The following GLI3 variants were observed in gnomAD, a reference collection of about 807,000 sequenced individuals.
GLI3 encodes the protein GLI family zinc finger 3.
A neutral mutation model predicts 100.8 loss-of-function variants in GLI3; 20 were observed. The ratio of observed to expected loss-of-function variants is 0.20; its 90% CI spans 0.14 to 0.29. GLI3 has a LOEUF of 0.29. Among genes scored for constraint, GLI3 ranks in the 10% least tolerant of loss-of-function variants. GLI3 has a pLI of 1.00. For missense variants in GLI3, 2,040 were observed against 2,128.5 expected, an observed-to-expected ratio of 0.96 and a Z score of 0.82; for synonymous variants, 938 against 860.5, an observed-to-expected ratio of 1.09 and a Z score of -1.58.
At chr7:42,083,102 A>G (rs1468245097) in intron 3 of GLI3, among the ~76,000 whole-genome samples, 3 of 152,202 alleles carry the variant, frequency 2.0e-5, no homozygotes, top group Non-Finnish European at 4.4e-5. Context: ...GCTTTTGACT[A>G]TAGTCACCAT....
intron 4 of GLI3, among the ~76,000 whole-genome samples, chr7:42,064,048 A>G (rs1181228372): frequency 6.6e-6 from 1 of 152,194 alleles, no homozygotes; most frequent in Non-Finnish European, 1.5e-5. Context: ...TTGTAGTGCC[A>G]TGGCAGGTCA....
At chr7:42,208,600 T>C (rs894169217) in intron 2 of GLI3, among the ~76,000 whole-genome samples, 2 of 152,248 alleles carry the variant, frequency 1.3e-5, no homozygotes, top group Non-Finnish European at 2.9e-5. Context: ...TATTGTACTC[T>C]TGGTTTTGTT....
At chr7:42,005,295 T>C (rs1788423387) in intron 10 of GLI3, among the ~76,000 whole-genome samples, 1 of 152,180 alleles carries the variant, frequency 6.6e-6, no homozygotes, top group African/African-American at 2.4e-5. Flanking sequence ...CCTTATTGAA[T>C]GCTTTGGTGA....
At chr7:42,184,497 C>T (rs1787680135) in intron 2 of GLI3, among the ~76,000 whole-genome samples, 1 of 152,234 alleles carries the variant, frequency 6.6e-6, no homozygotes, top group South Asian at 2.1e-4. Context: ...GCTCTTCCTA[C>T]AGTGAAGGAA....
chr7:42,023,691 A>C lies in GLI3; in HGVS notation c.1357-83T>G, dbSNP rs547732056. On this transcript the variant is annotated intron_variant, in intron 9 of 14. Transcript: ENST00000395925. ...GGAGGGAAGACAAGAAGAGAAAGTA[A>C]AAACCCAATTTAGATTTGGGTCTAG... is the stretch of plus-strand genomic sequence containing the variant. The C allele has an allele frequency of 1.1e-4, 148 of 1,327,802 alleles. 1 individual carries two copies. Among genetic ancestry groups the C allele is most frequent in the Non-Finnish European group, 1.5e-4 (142 of 922,032 alleles). 82.3% of individuals were successfully genotyped at this position (1,327,802 alleles called of 1,614,324 possible).
chr7:42,184,891 G>A (rs1787688529), intron 2 of GLI3, among the ~76,000 whole-genome samples: 1 of 152,130 alleles, frequency 6.6e-6, no homozygotes. Flanking sequence ...CACCTTCGTT[G>A]CATCCTGACA....
chr7:42,071,312 A>G (rs183158451), intron 4 of GLI3, among the ~76,000 whole-genome samples: 14 of 152,212 alleles, frequency 9.2e-5, no homozygotes, highest in Admixed American at 7.2e-4. Flanking sequence ...TAATAATGTT[A>G]TGGTAAAGCA....
At chr7:42,025,121 T>A in intron 9 of GLI3, 143 bp downstream of exon 9, 2 of 644,846 alleles carry the variant, frequency 3.1e-6, no homozygotes, top group East Asian at 5.4e-5. Flanking sequence ...GTACAACATG[T>A]AGAGTACGGC....
Position 42,045,371 on chromosome 7 carries a change from C to T in GLI3, c.826+13G>A, listed in dbSNP as rs1018272019. 3.1e-6 allele frequency: 5 copies of T among 1,612,596 alleles called. No homozygotes were observed. Among genetic ancestry groups the T allele is most frequent in the Non-Finnish European group, 4.2e-6 (5 of 1,178,728 alleles). The stretch of plus-strand genomic sequence containing the variant: ...CATTTCCCAAGACTCTAGAAACCAG[C>T]CCCGTCACTTACTATCCATAGCATG... On this transcript the variant is annotated intron_variant, in intron 6 of 14. Coordinates refer to ENST00000395925, the MANE Select transcript of GLI3 (RefSeq NM_000168.6).
At chr7:42,215,472 G>A (rs1788358103) in intron 2 of GLI3, among the ~76,000 whole-genome samples, 2 of 152,038 alleles carry the variant, frequency 1.3e-5, no homozygotes, top group Admixed American at 1.3e-4. Context: ...CTCTCCAGAG[G>A]GAGATTTTCC....
Position 42,253,962 on chromosome 7 carries a change from G to C in GLI3, c.-43+10032C>G, listed in dbSNP as rs145779591. On this transcript the variant is annotated intron_variant, in intron 1 of 2. Coordinates refer to the GLI3 transcript ENST00000678978. ...GGGCCGGACATGATGGTTCACGCCT[G>C]TAATCCCAGCGCTCTGGGAGGCCGA... Among the ~76,000 whole-genome samples, 91 of 152,308 alleles carry C rather than the reference G, an allele frequency of 6.0e-4. 1 individual carries two copies. The South Asian group carries it at 0.015, about 24-fold the overall frequency.
At chr7:42,026,470 A>G in intron 7 of GLI3, 58 bp from the exon 8 acceptor site, 1 of 1,243,032 alleles carries the variant, frequency 8.0e-7, no homozygotes, top group Non-Finnish European at 1.2e-6. Flanking sequence ...TCAGACAAGT[A>G]CACAAGATCT....
intron 2 of GLI3, among the ~76,000 whole-genome samples, chr7:42,164,990 A>C (rs1787211164): frequency 6.6e-6 from 1 of 151,490 alleles, no homozygotes; most frequent in African/African-American, 2.4e-5. Flanking sequence ...ATCACTATTC[A>C]TGGGCCAGGA....
intron 2 of GLI3, among the ~76,000 whole-genome samples, chr7:42,187,210 C>CAAAAA (rs5883817): frequency 8.6e-6 from 1 of 116,854 alleles, no homozygotes; most frequent in Non-Finnish European, 1.8e-5. Context: ...GACCCTGTCT[C>CAAAAA]AAAAAAAAAA....
intron 2 of GLI3, among the ~76,000 whole-genome samples, chr7:42,178,604 C>G (rs543269019): frequency 4.1e-4 from 62 of 152,320 alleles, no homozygotes; most frequent in African/African-American, 1.4e-3. Flanking sequence ...ATTCAGCAAA[C>G]ATGTACTGAG....
At chr7:42,092,492 C>T (rs1221658989) in intron 3 of GLI3, among the ~76,000 whole-genome samples, 1 of 152,148 alleles carries the variant, frequency 6.6e-6, no homozygotes, top group Non-Finnish European at 1.5e-5. Context: ...CCAACAAAGA[C>T]TTGGGGCACA....
chr7:42,254,834 T>TA (rs370541776), intron 1 of GLI3, among the ~76,000 whole-genome samples: 3 of 150,836 alleles, frequency 2.0e-5, no homozygotes, highest in Non-Finnish European at 3.0e-5. Flanking sequence ...TCTGTCTCTT[T>TA]AAAAAAAAAG....
At chr7:42,237,996 C>CGCA (rs1487285784), upstream of GLI3, 1 of 162,352 alleles carries the variant, frequency 6.2e-6, no homozygotes, top group African/African-American at 2.6e-5. Flanking sequence ...CCGCCGCCGC[C>CGCA]GCCGCCGCCT....
At position 42,219,510 on chromosome 7, in the gene GLI3, A is replaced by G. The variant is rs553251602; in HGVS notation, c.124+3620T>C. ...AGTGTTAAGTGGCAAATGCTTCTTT[A>G]AAAAGCTGTTCAAGTTTTCTGAACT... On this transcript the variant is annotated intron_variant, in intron 2 of 14. Transcript: ENST00000395925. Among the ~76,000 whole-genome samples the G allele has an allele frequency of 7.2e-5, 11 of 152,080 alleles. No homozygotes were observed. In the East Asian group the frequency reaches 2.1e-3, roughly 29 times the overall value.
Sources: allele counts gnomAD v4.1 joint callset (sites outside exome capture counted in the v4.1 genomes callset), GRCh38; gene constraint gnomAD v4.1.1; transcripts MANE v1.5; gene names NCBI Gene and HGNC (gene_info 2026-07-23, HGNC 2026-07-21).